The following ZFYVE26 variants were observed in gnomAD, a reference collection of about 807,000 sequenced individuals.
ZFYVE26 encodes zinc finger FYVE-type containing 26.
Under a neutral mutation model 276.5 loss-of-function variants are expected in ZFYVE26, and 181 were observed. The ratio of observed to expected loss-of-function variants is 0.65; its 90% CI spans 0.58 to 0.74. The LOEUF is 0.74. Among genes scored for constraint, ZFYVE26 ranks in the 30% least tolerant of loss-of-function variants. The probability of loss-of-function intolerance (pLI) is 0.00; values close to 1 mark genes in which losing one functional copy is unlikely to be tolerated. For synonymous variants in ZFYVE26, 1,129 were observed against 1,203.1 expected, an observed-to-expected ratio of 0.94 and a Z score of 1.27; for missense variants, 2,821 against 3,097.9, an observed-to-expected ratio of 0.91 and a Z score of 2.12.
At chr14:67,749,633 T>C (rs2038583093) in intron 41 of ZFYVE26, among the ~76,000 whole-genome samples, 2 of 152,258 alleles carry the variant, frequency 1.3e-5, no homozygotes, top group Non-Finnish European at 2.9e-5. Flanking sequence ...CATCTGTTAT[T>C]TGTTTTGGTC....
intron 39 of ZFYVE26, 131 bp from the exon 40 acceptor site, chr14:67,752,657 T>C: frequency 9.9e-7 from 1 of 1,010,242 alleles, no homozygotes; most frequent in Non-Finnish European, 1.5e-6. Flanking sequence ...GTAGAAAACA[T>C]AAATATACCA....
In ZFYVE26 at chr14:67,762,326, T is replaced by C. The variant is rs2038954632; in HGVS notation, c.6246A>G (p.Ala2082=). Residue 2082 remains alanine (A), a synonymous_variant, in exon 34 of 42, where the codon GCA becomes GCG. Coordinates refer to ENST00000347230, the MANE Select transcript of ZFYVE26 (RefSeq NM_015346.4). Reference sequence around the variant, plus strand: ...TCAGACAGCGACTGAACTTCTCCCGTGCAGCAGTGAGGTTCCCGGCTTTGA... The same window carrying C: ...TCAGACAGCGACTGAACTTCTCCCGCGCAGCAGTGAGGTTCCCGGCTTTGA... ...ACLKAGNLTA[A]REKFSRCLKP... is the part of the protein sequence containing the mutation. 6.2e-7 allele frequency: 1 copy of C among 1,614,054 alleles called. No individual in the cohort carries two copies. The highest frequency in any genetic ancestry group is 2.2e-5 in the East Asian group (1 of 44,892).
chr14:67,786,307 T>G, intron 16 of ZFYVE26, 74 bp from the exon 17 acceptor site: 1 of 1,506,388 alleles, frequency 6.6e-7, no homozygotes, highest in Non-Finnish European at 8.9e-7. Context: ...CACTCAGTCC[T>G]GTATTTACCT....
chr14:67,733,434 T>C (rs2038311532), intron 13 of ZFYVE26, among the ~76,000 whole-genome samples: 1 of 152,220 alleles, frequency 6.6e-6, no homozygotes, highest in Non-Finnish European at 1.5e-5. Flanking sequence ...TTATAAATAT[T>C]TTTATATCAC....
At position 67,754,395 on chromosome 14, in the gene ZFYVE26, C is replaced by T. The variant is rs72723174; in HGVS notation, c.6987-183G>A. Among the ~76,000 whole-genome samples the T allele has an allele frequency of 8.0e-3, 1,221 of 152,322 alleles. 2 individuals carry two copies. Among genetic ancestry groups the T allele is most frequent in the Non-Finnish European group, 0.011 (776 of 68,028 alleles). ...ACCAAAAAAATGGTGATCTCGTGTC[C>T]TGCACAGACTCACAATATTATGGTG... On this transcript the variant is annotated intron_variant, in intron 37 of 41. Coordinates refer to ENST00000347230, the MANE Select transcript of ZFYVE26 (RefSeq NM_015346.4).
chr14:67,754,362 A>G, intron 37 of ZFYVE26, 150 bp from the exon 38 acceptor site: 1 of 1,033,972 alleles, frequency 9.7e-7, no homozygotes, highest in Non-Finnish European at 1.5e-6. Context: ...GTGAGCAGTT[A>G]TGACAAGACC....
At chr14:67,816,327 T>C (rs2040409605) in intron 1 of ZFYVE26, among the ~76,000 whole-genome samples, 1 of 151,684 alleles carries the variant, frequency 6.6e-6, no homozygotes, top group Non-Finnish European at 1.5e-5. Flanking sequence ...CAGTCTTGAC[T>C]CCAAATCCCC....
intron 26 of ZFYVE26, 106 bp from the exon 27 acceptor site, chr14:67,775,220 T>G: frequency 4.1e-6 from 3 of 730,478 alleles, no homozygotes; most frequent in Non-Finnish European, 6.8e-6. Flanking sequence ...TGATTGTCAT[T>G]CCATGACTCT....
chr14:67,762,373 G>A lies in ZFYVE26; in HGVS notation c.6199C>T (p.His2067Tyr), dbSNP rs1475299174. 1.2e-6 allele frequency: 2 copies of A among 1,614,184 alleles called. No homozygotes were observed. The highest frequency in any genetic ancestry group is 2.2e-5 in the East Asian group (1 of 44,888). ...KTGLDTTGAWHAWGMACLKAG... is the reference protein window; with the variant it reads ...KTGLDTTGAWYAWGMACLKAG... ...TTGAGGCAGGCCATGCCCCAAGCAT[G>A]CCACGCCCCGGTGGTATCAAGCCCA... is the stretch of plus-strand genomic sequence containing the variant. The change falls in exon 34 of 42, where the codon CAT becomes TAT. Residue 2067 changes from histidine to tyrosine, a missense_variant. Physicochemically the swap from His to Tyr is moderately conservative, Grantham distance 83 (BLOSUM62 2). Transcript: ENST00000347230.
At chr14:67,732,183 T>A (rs2038287505) in intron 13 of ZFYVE26, among the ~76,000 whole-genome samples, 1 of 148,592 alleles carries the variant, frequency 6.7e-6, no homozygotes, top group South Asian at 2.1e-4. Context: ...ATGCCTGTAG[T>A]CCCAGTACTT....
In ZFYVE26 at chr14:67,789,355, T is replaced by A; in HGVS notation, c.2999A>T (p.Asn1000Ile). The stretch of plus-strand genomic sequence containing the variant: ...CTCACCCCGCCTTTCAAGGCTACTA[T>A]TCAAACGCCGTTCGGCTGTCTCCAA... ...QLLETAERRL[N>I]SSLERRGRRI... The change falls in exon 16 of 42, where the codon AAT (asparagine) becomes ATT (isoleucine). Residue 1000 changes from asparagine (N) to isoleucine (I), a missense_variant. Asn to Ile is a moderately radical substitution (Grantham distance 149). Coordinates refer to ENST00000347230, the MANE Select transcript of ZFYVE26 (RefSeq NM_015346.4). 1 of 1,614,224 alleles carries A rather than the reference T, an allele frequency of 6.2e-7. No homozygotes were observed. The highest frequency in any genetic ancestry group is 8.5e-7 in the Non-Finnish European group (1 of 1,180,050).
At chr14:67,814,987 C>G (rs932786695) in intron 2 of ZFYVE26, among the ~76,000 whole-genome samples, 1 of 152,176 alleles carries the variant, frequency 6.6e-6, no homozygotes. Flanking sequence ...TGGTTACTAG[C>G]ATCACCAGGA....
chr14:67,731,913 G>A (rs1000787149), intron 13 of ZFYVE26, among the ~76,000 whole-genome samples: 21 of 151,888 alleles, frequency 1.4e-4, no homozygotes, highest in Admixed American at 1.2e-3. Flanking sequence ...GATCACTTGA[G>A]GTCAGGAGTT....
intron 39 of ZFYVE26, 127 bp from the exon 40 acceptor site, chr14:67,752,653 A>T (rs1225959345): frequency 3.8e-6 from 4 of 1,042,368 alleles, no homozygotes; most frequent in Non-Finnish European, 5.8e-6. Flanking sequence ...CACAGTAGAA[A>T]ACATAAATAT....
chr14:67,793,541 G>A lies in ZFYVE26; in HGVS notation c.2553+67C>T, dbSNP rs887221331. The A allele has an allele frequency of 3.4e-5, 53 of 1,564,436 alleles. 1 individual carries two copies. The highest frequency in any genetic ancestry group is 4.5e-5 in the Non-Finnish European group (52 of 1,152,270). On this transcript the variant is annotated intron_variant, in intron 14 of 41. Coordinates refer to ENST00000347230, the MANE Select transcript of ZFYVE26 (RefSeq NM_015346.4). ...TGAGTGCTCCCAGGTGGCTCTGGTT[G>A]TACATGCTCCGAGCCTTACCTGATG...
At chr14:67,776,923 T>G (rs2140213808) in intron 25 of ZFYVE26, among the ~76,000 whole-genome samples, 1 of 152,360 alleles carries the variant, frequency 6.6e-6, no homozygotes, top group Non-Finnish European at 1.5e-5. Context: ...ATTAGAAGAA[T>G]GCCAGAGGGC....
Position 67,807,895 on chromosome 14 carries a change from C to G in ZFYVE26, c.389G>C (p.Gly130Ala), listed in dbSNP as rs1394917729. 6.2e-7 allele frequency: 1 copy of G among 1,614,122 alleles called. No homozygotes were observed. ...TCCGTCAGGCACGTGGCCTACTGCA[C>G]CCTGTGTTAAGGTCTCATACAGCTC... ...LEELYETLTQ[G>A]AVGHVPDGNP... The change falls in exon 5 of 42, where the codon GGT becomes GCT. Residue 130 changes from glycine (G) to alanine (A), a missense_variant. Physicochemically the swap from Gly to Ala is moderately conservative, Grantham distance 60. Transcript: ENST00000347230.
intron 39 of ZFYVE26, among the ~76,000 whole-genome samples, chr14:67,753,286 T>C (rs577606148): frequency 6.6e-6 from 1 of 152,288 alleles, no homozygotes; most frequent in East Asian, 1.9e-4. Context: ...CAGCCCCACC[T>C]GTGTCCTTTT....
In ZFYVE26 at chr14:67,783,264, T is replaced by C. The variant is rs1594913550; in HGVS notation, c.3888A>G (p.Ser1296=). 6.2e-7 allele frequency: 1 copy of C among 1,613,384 alleles called. No individual in the cohort carries two copies. Among genetic ancestry groups the C allele is most frequent in the Non-Finnish European group, 8.5e-7 (1 of 1,179,644 alleles). Residue 1296 remains serine (S), a synonymous_variant, in exon 21 of 42, where the codon TCA becomes TCG. Transcript: ENST00000347230. Reference sequence around the variant, plus strand: ...AGGCAGAGGAGGTGAGGGCTGGGAGTGATGAGTCCCTTGGGGAGGAGTAGG... The same window carrying C: ...AGGCAGAGGAGGTGAGGGCTGGGAGCGATGAGTCCCTTGGGGAGGAGTAGG... The part of the protein sequence containing the change: ...RKPYSSPRDS[S]LPALTSSALA...
Sources: allele counts gnomAD v4.1 joint callset (sites outside exome capture counted in the v4.1 genomes callset), GRCh38; gene constraint gnomAD v4.1.1; transcripts MANE v1.5; gene names NCBI Gene and HGNC (gene_info 2026-07-23, HGNC 2026-07-21).